The following PPP1CC variants were observed in gnomAD, a reference collection of about 807,000 sequenced individuals.
PPP1CC encodes serine/threonine-protein phosphatase PP1-gamma catalytic subunit.
A neutral mutation model predicts 38.4 loss-of-function variants in PPP1CC; 16 were observed. That is an observed-to-expected ratio of 0.42 (90% CI 0.28 to 0.63). The LOEUF is 0.63. Among genes scored for constraint, PPP1CC ranks in the 30% least tolerant of loss-of-function variants. PPP1CC has a pLI of 0.25. For missense variants in PPP1CC, 170 were observed against 391.3 expected (o/e 0.43, Z 4.77); for synonymous variants, 158 against 136.0 (o/e 1.16, Z -1.13).
At chr12:110,735,730 C>T (rs1489153325) in intron 1 of PPP1CC, among the ~76,000 whole-genome samples, 2 of 150,116 alleles carry the variant, frequency 1.3e-5, no homozygotes, top group African/African-American at 2.5e-5. Context: ...TGCAGTGAGC[C>T]GAGATTGTGC....
intron 1 of PPP1CC, among the ~76,000 whole-genome samples, chr12:110,735,741 C>T (rs1028919427): frequency 6.6e-6 from 1 of 150,604 alleles, no homozygotes; most frequent in African/African-American, 2.5e-5. Context: ...GAGATTGTGC[C>T]ACTGCACTCC....
intron 1 of PPP1CC, among the ~76,000 whole-genome samples, chr12:110,741,577 A>G (rs1376683195): frequency 6.6e-6 from 1 of 152,194 alleles, no homozygotes; most frequent in East Asian, 1.9e-4. Flanking sequence ...ATCAACATGA[A>G]TCAATTGCCA....
the PPP1CC span, among the ~76,000 whole-genome samples, chr12:110,711,347 C>CA: frequency 6.6e-6 from 1 of 150,694 alleles, no homozygotes; most frequent in African/African-American, 2.4e-5. Flanking sequence ...CCAGGAGTTC[C>CA]AGACCAGCCT....
chr12:110,716,477 C>T (rs927883206), downstream of PPP1CC, among the ~76,000 whole-genome samples: 3 of 151,886 alleles, frequency 2.0e-5, no homozygotes, highest in Admixed American at 6.6e-5. Context: ...CTCAGCCTCC[C>T]GAGTAGCTGG....
At chr12:110,714,898 T>C (rs1593566726), downstream of PPP1CC, among the ~76,000 whole-genome samples, 1 of 150,880 alleles carries the variant, frequency 6.6e-6, no homozygotes, top group Admixed American at 6.6e-5. Context: ...CTTGAGGGGC[T>C]TGTGGAGCTG....
chr12:110,737,473 G>C (rs1336764260), intron 1 of PPP1CC, among the ~76,000 whole-genome samples: 7 of 8,424 alleles, frequency 8.3e-4, no homozygotes, highest in South Asian at 7.2e-3. Flanking sequence ...GACAAAGAAA[G>C]ACTCAAAAAA....
intron 1 of PPP1CC, chr12:110,732,464 C>T (rs2069885556): frequency 6.5e-6 from 1 of 152,864 alleles, no homozygotes; most frequent in Non-Finnish European, 1.5e-5. Context: ...AGAACCCTCC[C>T]CCATCAGTGT....
At chr12:110,731,994 GCTTT>G (rs770819263) in intron 1 of PPP1CC, 93 bp from the exon 2 acceptor site, 5 of 1,396,454 alleles carry the variant, frequency 3.6e-6, no homozygotes, top group Non-Finnish European at 3.9e-6. Context: ...GGTTTAACTA[GCTTT>G]CTGAGTGGCT....
At chr12:110,709,983 AC>A in the PPP1CC span, among the ~76,000 whole-genome samples, 18 of 147,984 alleles carry the variant, frequency 1.2e-4, no homozygotes, top group Non-Finnish European at 2.4e-4. Flanking sequence ...ATAAAGGAAA[AC>A]AAAAAACCCA....
At chr12:110,732,132 G>A (rs891474298) in intron 1 of PPP1CC, 2 of 569,308 alleles carry the variant, frequency 3.5e-6, no homozygotes, top group Non-Finnish European at 6.2e-6. Context: ...TCCAAAAAAG[G>A]AGCCATCCTG....
intron 4 of PPP1CC, among the ~76,000 whole-genome samples, chr12:110,724,435 T>C (rs1425224639): frequency 6.6e-6 from 1 of 152,108 alleles, no homozygotes; most frequent in Non-Finnish European, 1.5e-5. Flanking sequence ...CTGCTCTATT[T>C]TCAAACCTAG....
At position 110,722,708 on chromosome 12, in the gene PPP1CC, GA is replaced by G. The variant is rs755061478; in HGVS notation, c.524-14del. On this transcript the variant is annotated splice_polypyrimidine_tract_variant and intron_variant, in intron 4 of 6. Coordinates refer to ENST00000335007, the MANE Select transcript of PPP1CC (RefSeq NM_002710.4). This position sits in a 1 kb window ranked among gnomAD's most constrained non-coding sequence, Gnocchi z 5.4. Reference sequence around the variant, plus strand: ...TCTGGTGATAAACCTATTCAATGAGGAAAAAAAAAAAATGAAGAAAGCAGAA... The same window carrying G: ...TCTGGTGATAAACCTATTCAATGAGGAAAAAAAAAAATGAAGAAAGCAGAA... 89,192 of 992,846 alleles carry G rather than the reference GA, an allele frequency of 0.09. 35 individuals are homozygous for G. Among genetic ancestry groups the G allele is most frequent in the South Asian group, 0.13 (6,804 of 51,130 alleles). 61.5% of individuals were successfully genotyped at this position (992,846 alleles called of 1,614,324 possible).
chr12:110,711,154 CAG>C, the PPP1CC span, among the ~76,000 whole-genome samples: 1 of 152,012 alleles, frequency 6.6e-6, no homozygotes, highest in African/African-American at 2.4e-5. Context: ...GCCTGGGCGA[CAG>C]AGTGAGACTC....
intron 2 of PPP1CC, 73 bp downstream of exon 2, chr12:110,731,697 A>G: frequency 6.7e-7 from 1 of 1,494,076 alleles, no homozygotes; most frequent in Non-Finnish European, 9.1e-7. Context: ...TAGCTAATAC[A>G]AGGTCATCAA....
Position 110,719,896 on chromosome 12 carries a change from C to CT in PPP1CC, c.*1179dup, listed in dbSNP as rs984564267. On this transcript the variant is annotated 3_prime_UTR_variant, in exon 7 of 7. Coordinates refer to ENST00000335007, the MANE Select transcript of PPP1CC (RefSeq NM_002710.4). ...TGTGTATTGTGCTGATAAATAGACA[C>CT]TGAGAAGATTTAACAAGTTCATCAT... 7 of 478,960 alleles carry CT rather than the reference C, an allele frequency of 1.5e-5. No homozygotes were observed. Among genetic ancestry groups the CT allele is most frequent in the Non-Finnish European group, 2.6e-5 (7 of 271,026 alleles). The allele number at this position is 478,960 out of a possible 1,614,324, so 29.7% of individuals were successfully genotyped here.
Position 110,731,830 on chromosome 12 carries a change from G to A in PPP1CC, c.127C>T (p.Arg43Cys), listed in dbSNP as rs2069875503. Reference sequence around the variant, plus strand: ...ATAGGCTGACTGAGAAAGATTTCACGAGACTTTAAGCACAGTCCTCTGATT... The same window carrying A: ...ATAGGCTGACTGAGAAAGATTTCACAAGACTTTAAGCACAGTCCTCTGATT... ...NEIRGLCLKS[R>C]EIFLSQPILL... Residue 43 changes from arginine (R) to cysteine (C), a missense_variant, in exon 2 of 7, where the codon CGT becomes TGT. Around this residue, in one of 3 missense-constraint regions of PPP1CC, gnomAD observed 117 missense variants for 344.4 expected, o/e 0.34. Transcript: ENST00000335007. 1 of 1,613,568 alleles carries A rather than the reference G, an allele frequency of 6.2e-7. No individual in the cohort carries two copies. Among genetic ancestry groups the A allele is most frequent in the Non-Finnish European group, 8.5e-7 (1 of 1,179,570 alleles).
chr12:110,712,475 A>G, the PPP1CC span, among the ~76,000 whole-genome samples: 3 of 151,312 alleles, frequency 2.0e-5, no homozygotes, highest in African/African-American at 7.3e-5. Flanking sequence ...ACCCGTCTCA[A>G]CTAAAAATAC....
chr12:110,720,961 G>T lies in PPP1CC; in HGVS notation c.*115C>A. The T allele has an allele frequency of 1.3e-6, 1 of 761,462 alleles. No individual in the cohort carries two copies. Among genetic ancestry groups the T allele is most frequent in the Non-Finnish European group, 2.1e-6 (1 of 486,100 alleles). 47.2% of individuals were successfully genotyped at this position (761,462 alleles called of 1,614,324 possible). On this transcript the variant is annotated 3_prime_UTR_variant, in exon 7 of 7. Coordinates refer to ENST00000335007, the MANE Select transcript of PPP1CC (RefSeq NM_002710.4). ...CACTAAATCAAAAATGGAAGGAAGGGCCCCCACAAACACAGATCTATCTGA... is the reference window on the plus strand; with the variant it reads ...CACTAAATCAAAAATGGAAGGAAGGTCCCCCACAAACACAGATCTATCTGA...
At chr12:110,715,151 GA>G (rs1030241257), downstream of PPP1CC, among the ~76,000 whole-genome samples, 5 of 146,196 alleles carry the variant, frequency 3.4e-5, no homozygotes, top group African/African-American at 5.0e-5. Context: ...TGGGTGGCTA[GA>G]AAAAAAAAAG....
Sources: allele counts gnomAD v4.1 joint callset (sites outside exome capture counted in the v4.1 genomes callset), GRCh38; gene constraint gnomAD v4.1.1; regional missense constraint gnomAD v4.1.1; non-coding constraint Gnocchi (gnomAD v3.1); transcripts MANE v1.5; gene names NCBI Gene and HGNC (gene_info 2026-07-23, HGNC 2026-07-21).